Variants in IPO8 observed in about 807,000 individuals in gnomAD.
IPO8 encodes the protein importin 8, also known as importin-8.
IPO8 carries 65 observed loss-of-function variants against 141.2 expected under a neutral mutation model. The ratio of observed to expected loss-of-function variants is 0.46; its 90% CI spans 0.38 to 0.57. The LOEUF is 0.57. IPO8 is among the 20% of genes least tolerant of loss of function. The pLI is 0.00. For synonymous variants in IPO8, 411 were observed against 420.3 expected (o/e 0.98, Z 0.27); for missense variants, 980 against 1,246.8 (o/e 0.79, Z 3.22).
In IPO8 at chr12:30,674,741, T is replaced by C. The variant is rs752830811; in HGVS notation, c.742A>G (p.Ile248Val). The C allele has an allele frequency of 2.5e-6, 4 of 1,612,080 alleles. No individual in the cohort carries two copies. The highest frequency in any genetic ancestry group is 3.4e-6 in the Non-Finnish European group (4 of 1,178,322). The change falls in exon 7 of 25, where the codon ATT (isoleucine) becomes GTT (valine). Residue 248 changes from isoleucine (I) to valine (V), a missense_variant. This residue lies in a region of IPO8 where 924 missense variants were observed against 1,153.9 expected (regional missense o/e 0.80). Transcript: ENST00000256079. ...DRTVPPETLH[I>V]DEDDRPELVW... ...AGTTCTGGTCTATCATCCTCATCAA[T>C]GTGCAGAGTCTCCTAACAGGACAAA...
intron 8 of IPO8, among the ~76,000 whole-genome samples, chr12:30,672,806 C>G (rs763056162): frequency 6.6e-6 from 1 of 152,136 alleles, no homozygotes; most frequent in African/African-American, 2.4e-5. Flanking sequence ...AGAAATTCAA[C>G]TATATAACTA....
chr12:30,654,015 A>G (rs1467822043), intron 17 of IPO8, among the ~76,000 whole-genome samples: 1 of 152,062 alleles, frequency 6.6e-6, no homozygotes, highest in Non-Finnish European at 1.5e-5. Context: ...ACACAGACCA[A>G]TGGAACCGAT....
At chr12:30,673,416 A>G (rs2053077926) in intron 8 of IPO8, among the ~76,000 whole-genome samples, 1 of 152,230 alleles carries the variant, frequency 6.6e-6, no homozygotes, top group African/African-American at 2.4e-5. Context: ...ACACTGATCA[A>G]CCAATTTTCA....
chr12:30,638,051 C>T (rs2052526298), intron 21 of IPO8, among the ~76,000 whole-genome samples: 1 of 152,126 alleles, frequency 6.6e-6, no homozygotes, highest in African/African-American at 2.4e-5. Context: ...TGAGGACCTT[C>T]TCATCCATGC....
At chr12:30,688,496 G>A (rs1332190394) in intron 2 of IPO8, 2 of 371,224 alleles carry the variant, frequency 5.4e-6, no homozygotes, top group Admixed American at 3.8e-5. Context: ...TTCTTTTAAA[G>A]CAAAAATCAC....
chr12:30,650,476 A>C (rs1049838415), intron 19 of IPO8, among the ~76,000 whole-genome samples: 1 of 152,068 alleles, frequency 6.6e-6, no homozygotes. Context: ...TTAAAATGCT[A>C]TCTCTAGGAC....
At chr12:30,643,817 C>T (rs539728971) in intron 20 of IPO8, among the ~76,000 whole-genome samples, 12 of 152,318 alleles carry the variant, frequency 7.9e-5, no homozygotes, top group South Asian at 4.1e-4. Flanking sequence ...CAGCTTCTGG[C>T]GTACAGAATG....
At chr12:30,645,733 T>G (rs914140076) in intron 20 of IPO8, among the ~76,000 whole-genome samples, 3 of 152,018 alleles carry the variant, frequency 2.0e-5, no homozygotes, top group Non-Finnish European at 4.4e-5. Context: ...ATGAACCACA[T>G]GCAATGAATT....
intron 5 of IPO8, chr12:30,676,820 A>G: frequency 9.3e-7 from 1 of 1,077,524 alleles, no homozygotes. Flanking sequence ...ACTTTTTAAA[A>G]GGAAAAACAA....
chr12:30,693,404 G>A (rs1471057398), intron 1 of IPO8, among the ~76,000 whole-genome samples: 1 of 152,214 alleles, frequency 6.6e-6, no homozygotes, highest in African/African-American at 2.4e-5. Context: ...TTATCCATTG[G>A]AATATAGGCT....
At chr12:30,632,119 C>A in intron 23 of IPO8, 108 bp from the exon 24 acceptor site, 1 of 702,078 alleles carries the variant, frequency 1.4e-6, no homozygotes, top group Non-Finnish European at 2.4e-6. Flanking sequence ...CAGTAAGAGA[C>A]AAAGAGTACA....
chr12:30,670,011 A>G (rs1339115580), intron 9 of IPO8, among the ~76,000 whole-genome samples: 1 of 152,218 alleles, frequency 6.6e-6, no homozygotes, highest in Non-Finnish European at 1.5e-5. Flanking sequence ...GCGTTTTCTT[A>G]TTCCTACTTT....
chr12:30,641,430 T>C (rs2052572334), intron 20 of IPO8, among the ~76,000 whole-genome samples: 2 of 151,700 alleles, frequency 1.3e-5, no homozygotes, highest in East Asian at 1.9e-4. Flanking sequence ...CCTTGTCTTA[T>C]AAATTAGACC....
In IPO8 at chr12:30,633,451, G is replaced by T. The variant is rs536946351; in HGVS notation, c.2899+632C>A. The stretch of plus-strand genomic sequence containing the variant: ...ATTTTCTAAATATCCTCATTGGCTT[G>T]TTTTTATTCTGTAAATTTTCCATTT... On this transcript the variant is annotated intron_variant, in intron 23 of 24. Transcript: ENST00000256079. Among the ~76,000 whole-genome samples the T allele has an allele frequency of 2.0e-5, 3 of 152,180 alleles. No homozygotes were observed. In the East Asian group the frequency reaches 5.8e-4, roughly 29 times the overall value.
intron 24 of IPO8, among the ~76,000 whole-genome samples, chr12:30,631,221 C>T (rs563180928): frequency 6.3e-4 from 96 of 152,122 alleles, no homozygotes; most frequent in Non-Finnish European, 1.1e-3. Context: ...TTCACTGTCT[C>T]TACTGCTGAA....
intron 17 of IPO8, 25 bp downstream of exon 17, chr12:30,656,659 C>A: frequency 7.0e-7 from 1 of 1,424,552 alleles, no homozygotes; most frequent in Non-Finnish European, 9.6e-7. Flanking sequence ...TTCAATTTAT[C>A]TTTTTATTTA....
intron 7 of IPO8, 25 bp from the exon 8 acceptor site, chr12:30,674,099 C>T (rs947653988): frequency 2.2e-6 from 3 of 1,383,942 alleles, no homozygotes; most frequent in East Asian, 2.3e-5. Flanking sequence ...AGAAAATGTA[C>T]AAATACCGTG....
chr12:30,662,149 A>G (rs2052896457), intron 15 of IPO8, among the ~76,000 whole-genome samples, 178 bp downstream of exon 15: 1 of 152,246 alleles, frequency 6.6e-6, no homozygotes, highest in Non-Finnish European at 1.5e-5. Flanking sequence ...CAAAAGGTAC[A>G]GTAAAAATAC....
At chr12:30,671,234 G>A in intron 8 of IPO8, 138 bp from the exon 9 acceptor site, 1 of 594,650 alleles carries the variant, frequency 1.7e-6, no homozygotes, top group South Asian at 2.3e-5. Context: ...TGTTTTGTAA[G>A]AAAGCTCAGA....
Sources: allele counts gnomAD v4.1 joint callset (sites outside exome capture counted in the v4.1 genomes callset), GRCh38; gene constraint gnomAD v4.1.1; regional missense constraint gnomAD v4.1.1; transcripts MANE v1.5; gene names NCBI Gene and HGNC (gene_info 2026-07-23, HGNC 2026-07-21).